The following PCDH7 variants were observed in gnomAD, a reference collection of about 807,000 sequenced individuals.
PCDH7 encodes the protein protocadherin 7, also known as protocadherin-7.
In PCDH7, 17 loss-of-function variants were observed where a neutral mutation model predicts 58.9. The observed-to-expected ratio is 0.29, with a 90% CI of 0.20 to 0.43. The LOEUF is 0.43. Among genes scored for constraint, PCDH7 ranks in the 20% least tolerant of loss-of-function variants. The pLI, the probability that PCDH7 is intolerant of heterozygous loss-of-function variation, is 1.00. For synonymous variants in PCDH7, 664 were observed against 616.4 expected, an observed-to-expected ratio of 1.08 and a Z score of -1.14; for missense variants, 1,274 against 1,441.0, an observed-to-expected ratio of 0.88 and a Z score of 1.88.
At chr4:31,035,443 G>A (rs1170019595) in intron 3 of PCDH7, among the ~76,000 whole-genome samples, 1 of 151,918 alleles carries the variant, frequency 6.6e-6, no homozygotes, top group Non-Finnish European at 1.5e-5. Context: ...TAGTAGAGAC[G>A]AGGTTTCACC....
chr4:30,782,769 G>A (rs1306369692), intron 1 of PCDH7, among the ~76,000 whole-genome samples: 2 of 152,176 alleles, frequency 1.3e-5, no homozygotes, highest in African/African-American at 4.8e-5. Flanking sequence ...AAACTGAGGG[G>A]AACTTAGCAA....
chr4:31,135,843 G>A (rs1719537297), intron 3 of PCDH7, among the ~76,000 whole-genome samples: 2 of 152,158 alleles, frequency 1.3e-5, no homozygotes, highest in Admixed American at 1.3e-4. Flanking sequence ...GGGGGAACAA[G>A]ATCCTTTTGT....
At chr4:30,828,792 A>T (rs1410376737) in intron 1 of PCDH7, among the ~76,000 whole-genome samples, 1 of 151,868 alleles carries the variant, frequency 6.6e-6, no homozygotes, top group Non-Finnish European at 1.5e-5. Context: ...TTTGTCATTT[A>T]TAAGACTCTC....
chr4:30,725,348 G>A lies in PCDH7; in HGVS notation c.3174+752G>A, dbSNP rs571395074. On this transcript the variant is annotated intron_variant, in intron 1 of 1. Coordinates refer to ENST00000361762, the Ensembl canonical transcript of PCDH7. ...ATGAGCCATTTATTATTTAAGCCAAGTAATGAAAATATTCATGATTGATGT... is the reference window on the plus strand; with the variant it reads ...ATGAGCCATTTATTATTTAAGCCAAATAATGAAAATATTCATGATTGATGT... The A allele has an allele frequency of 4.3e-6, 4 of 929,792 alleles. No homozygotes were observed. The Admixed American group carries it at 2.5e-4, about 57-fold the overall frequency. The allele number at this position is 929,792 out of a possible 1,614,324, so 57.6% of individuals were successfully genotyped here.
intron 3 of PCDH7, among the ~76,000 whole-genome samples, chr4:31,086,156 A>C (rs1450079761): frequency 4.6e-5 from 7 of 152,188 alleles, no homozygotes; most frequent in Non-Finnish European, 8.8e-5. Context: ...AGGAAGAAAA[A>C]TAAGATTTGA....
chr4:30,993,638 A>G (rs1274569330), intron 3 of PCDH7, among the ~76,000 whole-genome samples: 1 of 152,156 alleles, frequency 6.6e-6, no homozygotes, highest in Non-Finnish European at 1.5e-5. Flanking sequence ...GAAAAAGTGA[A>G]CTAAAGCCAG....
At chr4:31,060,559 G>A (rs1049739785) in intron 3 of PCDH7, among the ~76,000 whole-genome samples, 2 of 151,580 alleles carry the variant, frequency 1.3e-5, no homozygotes, top group African/African-American at 4.8e-5. Context: ...ATCAACTTAG[G>A]TTACTTCTAT....
chr4:30,869,350 A>T (rs940808658), intron 1 of PCDH7, among the ~76,000 whole-genome samples: 6 of 152,100 alleles, frequency 3.9e-5, no homozygotes, highest in Non-Finnish European at 8.8e-5. Context: ...TTTGTTACAT[A>T]GGTATACACG....
chr4:30,804,779 C>G (rs1256745036), intron 1 of PCDH7, among the ~76,000 whole-genome samples: 2 of 152,260 alleles, frequency 1.3e-5, no homozygotes, highest in African/African-American at 4.8e-5. Flanking sequence ...CAGACTAAGA[C>G]AAACATAAAA....
At chr4:30,970,920 GT>G (rs773214686) in intron 3 of PCDH7, among the ~76,000 whole-genome samples, 8 of 152,192 alleles carry the variant, frequency 5.3e-5, no homozygotes, top group Non-Finnish European at 1.0e-4. Flanking sequence ...TGTACAGTGA[GT>G]TCATACACAA....
intron 1 of PCDH7, among the ~76,000 whole-genome samples, chr4:30,800,288 T>C (rs1407954750): frequency 3.9e-5 from 6 of 152,090 alleles, no homozygotes; most frequent in African/African-American, 1.4e-4. Flanking sequence ...CTAGATTATT[T>C]TGGATATACA....
chr4:30,925,716 G>A (rs533015426), intron 2 of PCDH7: 1 of 152,278 alleles, frequency 6.6e-6, no homozygotes, highest in South Asian at 2.1e-4. Context: ...CACTTTGGGA[G>A]GGTGCTATTC....
intron 3 of PCDH7, among the ~76,000 whole-genome samples, chr4:31,106,455 A>C (rs192685812): frequency 1.3e-5 from 2 of 152,274 alleles, no homozygotes; most frequent in Non-Finnish European, 2.9e-5. Context: ...TGCTATTTGC[A>C]TGGCTCTTTC....
At chr4:30,990,187 A>T (rs1751348634) in intron 3 of PCDH7, among the ~76,000 whole-genome samples, 2 of 152,132 alleles carry the variant, frequency 1.3e-5, no homozygotes, top group African/African-American at 2.4e-5. Flanking sequence ...TATAAAATTT[A>T]AAAATTTTGT....
At chr4:30,746,962 A>G (rs577072342) in intron 1 of PCDH7, among the ~76,000 whole-genome samples, 1 of 152,236 alleles carries the variant, frequency 6.6e-6, no homozygotes, top group Non-Finnish European at 1.5e-5. Context: ...CATTTATACC[A>G]CTGGTATAGT....
At chr4:31,056,500 A>G (rs1404430869) in intron 3 of PCDH7, among the ~76,000 whole-genome samples, 1 of 126,060 alleles carries the variant, frequency 7.9e-6, no homozygotes, top group Non-Finnish European at 1.7e-5. Context: ...AAAGAAAGAA[A>G]GAAAGAAAGA....
At chr4:30,920,599 G>A (rs768145282) in intron 2 of PCDH7, among the ~76,000 whole-genome samples, 10 of 151,916 alleles carry the variant, frequency 6.6e-5, no homozygotes, top group Non-Finnish European at 1.2e-4. Flanking sequence ...AGAAATAAAC[G>A]CACTTATAAA....
chr4:30,986,098 A>G (rs1750942771), intron 3 of PCDH7, among the ~76,000 whole-genome samples: 1 of 152,330 alleles, frequency 6.6e-6, no homozygotes, highest in East Asian at 1.9e-4. Flanking sequence ...AAAAGACTTG[A>G]GATATGCATT....
intron 3 of PCDH7, among the ~76,000 whole-genome samples, chr4:31,126,187 A>C: frequency 6.9e-6 from 1 of 143,996 alleles, no homozygotes; most frequent in East Asian, 2.1e-4. Flanking sequence ...GCAGTGGCGT[A>C]ATCTTGGCTC....
Sources: allele counts gnomAD v4.1 joint callset (sites outside exome capture counted in the v4.1 genomes callset), GRCh38; gene constraint gnomAD v4.1.1; transcripts MANE v1.5; gene names NCBI Gene and HGNC (gene_info 2026-07-23, HGNC 2026-07-21).